Variants in COL4A2 observed in about 807,000 individuals in gnomAD.
COL4A2 encodes collagen alpha-2(IV) chain.
Under a neutral mutation model 200.2 loss-of-function variants are expected in COL4A2, and 99 were observed. The ratio of observed to expected loss-of-function variants is 0.49; its 90% CI spans 0.42 to 0.58. COL4A2 has a LOEUF of 0.58. COL4A2 is among the 20% of genes least tolerant of loss of function. The pLI is 0.00. For synonymous variants in COL4A2, 897 were observed against 900.6 expected (o/e 1.00, Z 0.07); for missense variants, 1,950 against 2,314.1 (o/e 0.84, Z 3.23).
chr13:110,463,658 G>T lies in COL4A2; in HGVS notation c.1776+1274G>T, dbSNP rs113434127. On this transcript the variant is annotated intron_variant, in intron 24 of 47. Coordinates refer to ENST00000360467, the MANE Select transcript of COL4A2 (RefSeq NM_001846.4). Reference sequence around the variant, plus strand: ...AGCCATCCTCCTGCCTCAACCTCCCGAGTACCTGGGACCACAGGTGCACAC... The same window carrying T: ...AGCCATCCTCCTGCCTCAACCTCCCTAGTACCTGGGACCACAGGTGCACAC... 9.5e-3 allele frequency among the ~76,000 whole-genome samples: 1,450 copies of T among 152,164 alleles called. 17 individuals carry two copies. The highest frequency in any genetic ancestry group is 0.032 in the African/African-American group (1,332 of 41,498).
intron 4 of COL4A2, among the ~76,000 whole-genome samples, chr13:110,415,667 A>T (rs1464142819): frequency 6.6e-6 from 1 of 152,234 alleles, no homozygotes; most frequent in Admixed American, 6.5e-5. Flanking sequence ...CTAAATGCAA[A>T]ATAGATATAA....
At chr13:110,428,920 A>G (rs1022805597) in intron 7 of COL4A2, 5 of 221,260 alleles carry the variant, frequency 2.3e-5, no homozygotes, top group East Asian at 9.4e-5. Context: ...CATCTTTATC[A>G]GATTATGAAA....
At chr13:110,444,734 T>C (rs1201634843) in intron 16 of COL4A2, among the ~76,000 whole-genome samples, 2 of 152,238 alleles carry the variant, frequency 1.3e-5, no homozygotes, top group African/African-American at 4.8e-5. Context: ...AGGGAATACA[T>C]TGCTAGATTT....
At chr13:110,320,664 A>G (rs1447422185) in intron 3 of COL4A2, among the ~76,000 whole-genome samples, 1 of 148,700 alleles carries the variant, frequency 6.7e-6, no homozygotes, top group Non-Finnish European at 1.5e-5. Context: ...GCTTCTTTTT[A>G]TATCAAAACA....
At chr13:110,378,741 G>A (rs543827982) in intron 4 of COL4A2, among the ~76,000 whole-genome samples, 1 of 152,320 alleles carries the variant, frequency 6.6e-6, no homozygotes, top group East Asian at 1.9e-4. Context: ...GACAGCATTT[G>A]AACGATACTT....
chr13:110,321,283 T>A (rs978017373), intron 3 of COL4A2, among the ~76,000 whole-genome samples: 1 of 151,982 alleles, frequency 6.6e-6, no homozygotes, highest in African/African-American at 2.4e-5. Context: ...TGCAAACCTG[T>A]GTCCATTTTT....
chr13:110,396,199 G>A (rs930909684), intron 4 of COL4A2, among the ~76,000 whole-genome samples: 5 of 152,184 alleles, frequency 3.3e-5, no homozygotes, highest in African/African-American at 1.2e-4. Flanking sequence ...GTATTAGCGT[G>A]CTGCATTTGT....
At chr13:110,485,059 T>G (rs1883065710) in intron 33 of COL4A2, 32 bp downstream of exon 33, 1 of 1,539,630 alleles carries the variant, frequency 6.5e-7, no homozygotes, top group Admixed American at 1.9e-5. Context: ...CAGGGGCCCC[T>G]AGTCCCTGCC....
At chr13:110,380,955 CTCACACCCACGGGCTCTATG>C (rs1878457344) in intron 4 of COL4A2, among the ~76,000 whole-genome samples, 1 of 147,276 alleles carries the variant, frequency 6.8e-6, no homozygotes, top group Admixed American at 6.8e-5. Context: ...TGGGCTCTAT[CTCACACCCACGGGCTCTATG>C]TCACACCCAC....
Position 110,356,516 on chromosome 13 carries a change from G to A in COL4A2, c.100-956G>A, listed in dbSNP as rs1003244042. ...CCATGAGGGAGCCACCGTTTGCACC[G>A]ACACCTCCTCCTCCCCTCCGTGGTG... On this transcript the variant is annotated intron_variant, in intron 3 of 47. Transcript: ENST00000360467. Among the ~76,000 whole-genome samples, 15 of 152,224 alleles carry A rather than the reference G, an allele frequency of 9.9e-5. No individual in the cohort carries two copies. The East Asian group carries it at 1.4e-3, about 14-fold the overall frequency.
rs1234833603 is a variant in COL4A2, at chr13:110,446,779, T to C, written c.1012-19T>C. The C allele has an allele frequency of 6.2e-7, 1 of 1,605,978 alleles. No homozygotes were observed. The highest frequency in any genetic ancestry group is 1.3e-5 in the African/African-American group (1 of 74,832). ...AAAAGGCTATTCTCACATCCTGTTT[T>C]TCTCTTTTCTTTCTCTAGGGAGAAG... On this transcript the variant is annotated intron_variant, in intron 17 of 47. Transcript: ENST00000360467.
chr13:110,358,514 G>A (rs1010919944), intron 4 of COL4A2, among the ~76,000 whole-genome samples: 26 of 152,172 alleles, frequency 1.7e-4, no homozygotes, highest in African/African-American at 6.0e-4. Flanking sequence ...AAACAGTGAC[G>A]CAGTTGCTTG....
chr13:110,388,673 T>C (rs888965531), intron 4 of COL4A2, among the ~76,000 whole-genome samples: 13 of 152,214 alleles, frequency 8.5e-5, no homozygotes, highest in African/African-American at 3.1e-4. Context: ...ATACGAGGGT[T>C]TGATTAGCTC....
chr13:110,504,286 C>T (rs756717872), intron 45 of COL4A2, 22 bp downstream of exon 45: 2 of 1,575,974 alleles, frequency 1.3e-6, no homozygotes, highest in African/African-American at 2.7e-5. Flanking sequence ...TGGGGAAGGA[C>T]CTTCCCAGGT....
At chr13:110,466,414 G>A (rs1882243950) in intron 26 of COL4A2, among the ~76,000 whole-genome samples, 2 of 152,158 alleles carry the variant, frequency 1.3e-5, no homozygotes, top group African/African-American at 4.8e-5. Flanking sequence ...CAAGATGGGA[G>A]CCTGGTCCAG....
At chr13:110,399,275 C>G (rs1019864306) in intron 4 of COL4A2, among the ~76,000 whole-genome samples, 5 of 152,194 alleles carry the variant, frequency 3.3e-5, no homozygotes, top group African/African-American at 1.2e-4. Context: ...TTGTTCCTCC[C>G]GTAAGCCCTC....
At chr13:110,483,458 G>T (rs1013345443) in intron 32 of COL4A2, among the ~76,000 whole-genome samples, 23 of 152,244 alleles carry the variant, frequency 1.5e-4, no homozygotes, top group African/African-American at 5.5e-4. Flanking sequence ...TCTCATGGCA[G>T]CATCCTTTAT....
chr13:110,462,036 G>T, intron 22 of COL4A2, 78 bp from the exon 23 acceptor site: 2 of 1,577,398 alleles, frequency 1.3e-6, no homozygotes, highest in Non-Finnish European at 8.6e-7. Context: ...TGTGTGAGAT[G>T]AAAAAGCTTG....
intron 4 of COL4A2, among the ~76,000 whole-genome samples, chr13:110,371,617 T>C (rs1467943014): frequency 6.6e-6 from 1 of 152,240 alleles, no homozygotes; most frequent in Admixed American, 6.5e-5. Flanking sequence ...ATCATGTTTT[T>C]ATATCAAGCC....
Sources: gnomAD v4.1 joint callset for allele counts (sites outside exome capture counted in the v4.1 genomes callset) on GRCh38, gnomAD v4.1.1 for gene constraint, MANE v1.5 for transcripts, NCBI Gene and HGNC (gene_info 2026-07-23, HGNC 2026-07-21) for gene names.